The following RAD51B variants were observed in gnomAD, a reference collection of about 807,000 sequenced individuals.
RAD51B encodes DNA repair protein RAD51 homolog 2.
Under a neutral mutation model 42.2 loss-of-function variants are expected in RAD51B, and 38 were observed. The observed-to-expected ratio is 0.90, with a 90% confidence interval of 0.70 to 1.18. RAD51B has a LOEUF of 1.18. Among genes scored for constraint, RAD51B ranks in the 50% most tolerant of loss-of-function variants. RAD51B has a pLI of 0.00. For synonymous variants in RAD51B, 154 were observed against 145.2 expected, an observed-to-expected ratio of 1.06 and a Z score of -0.43; for missense variants, 373 against 400.7, an observed-to-expected ratio of 0.93 and a Z score of 0.59.
chr14:68,533,192 A>G (rs938386561), intron 10 of RAD51B, among the ~76,000 whole-genome samples: 1 of 152,216 alleles, frequency 6.6e-6, no homozygotes, highest in Non-Finnish European at 1.5e-5. Flanking sequence ...TATTATAAAT[A>G]ATAAGAGATT....
chr14:68,518,410 C>T (rs1315904790), intron 10 of RAD51B, among the ~76,000 whole-genome samples: 2 of 152,162 alleles, frequency 1.3e-5, no homozygotes, highest in African/African-American at 4.8e-5. Flanking sequence ...GCAGTTGTGT[C>T]CTGAGCCCTG....
chr14:68,367,777 T>C (rs1452030441), intron 8 of RAD51B, among the ~76,000 whole-genome samples: 1 of 152,176 alleles, frequency 6.6e-6, no homozygotes, highest in African/African-American at 2.4e-5. Context: ...AGGAGAAGGA[T>C]CAAGAAGCAG....
intron 11 of RAD51B, chr14:68,682,850 T>G: frequency 1.3e-6 from 1 of 790,908 alleles, no homozygotes; most frequent in East Asian, 1.0e-4. Flanking sequence ...CTGAAGGATT[T>G]ATTGCCTTTG....
intron 7 of RAD51B, among the ~76,000 whole-genome samples, chr14:67,897,338 CA>C (rs1460811317): frequency 6.6e-6 from 1 of 152,000 alleles, no homozygotes; most frequent in Non-Finnish European, 1.5e-5. Flanking sequence ...TTGGAAACCA[CA>C]AATCTGATGA....
intron 10 of RAD51B, among the ~76,000 whole-genome samples, chr14:68,569,391 C>G (rs547311190): frequency 3.9e-5 from 6 of 152,198 alleles, no homozygotes; most frequent in Non-Finnish European, 7.4e-5. Context: ...GCCAACTCAC[C>G]ACGCCTTGAA....
chr14:68,537,489 A>G (rs1887705432), intron 10 of RAD51B, among the ~76,000 whole-genome samples: 1 of 95,558 alleles, frequency 1.0e-5, no homozygotes, highest in Non-Finnish European at 2.3e-5. Flanking sequence ...ACAGAGCAAG[A>G]TTTCGTCTCA....
chr14:67,935,749 A>G (rs760311080), intron 7 of RAD51B, among the ~76,000 whole-genome samples: 2 of 152,096 alleles, frequency 1.3e-5, no homozygotes, highest in Non-Finnish European at 2.9e-5. Flanking sequence ...TCTTTTTTCT[A>G]AAATAATAGG....
chr14:68,248,543 T>A (rs1013472270), intron 7 of RAD51B, among the ~76,000 whole-genome samples: 2 of 152,214 alleles, frequency 1.3e-5, no homozygotes, highest in African/African-American at 4.8e-5. Flanking sequence ...CCTTTTTTTT[T>A]TAATTTATTT....
intron 7 of RAD51B, among the ~76,000 whole-genome samples, chr14:68,083,391 A>T (rs1163679358): frequency 6.6e-6 from 1 of 152,212 alleles, no homozygotes; most frequent in Non-Finnish European, 1.5e-5. Context: ...CTTATGTCAG[A>T]TTACTCTAAA....
intron 10 of RAD51B, among the ~76,000 whole-genome samples, chr14:68,586,015 A>T (rs778292686): frequency 1.3e-5 from 2 of 152,140 alleles, no homozygotes; most frequent in Non-Finnish European, 2.9e-5. Context: ...ACGGCACGTT[A>T]CGCTTTGCGT....
intron 9 of RAD51B, among the ~76,000 whole-genome samples, chr14:68,420,342 G>A (rs2084667140): frequency 6.6e-6 from 1 of 152,180 alleles, no homozygotes; most frequent in Non-Finnish European, 1.5e-5. Context: ...AGTTCATAAA[G>A]TGAAAGCAAG....
intron 7 of RAD51B, among the ~76,000 whole-genome samples, chr14:68,202,770 C>T (rs1036772897): frequency 2.0e-5 from 3 of 151,466 alleles, no homozygotes; most frequent in African/African-American, 4.9e-5. Flanking sequence ...TTAGTAGAGA[C>T]GGGGTTTCTC....
intron 9 of RAD51B, chr14:68,421,628 G>A (rs1031088867): frequency 5.7e-6 from 7 of 1,232,716 alleles, no homozygotes; most frequent in South Asian, 3.8e-5. Flanking sequence ...GCGAGCAAAC[G>A]GGGTGGAGGG....
intron 10 of RAD51B, among the ~76,000 whole-genome samples, chr14:68,523,688 A>G (rs1244943691): frequency 6.6e-6 from 1 of 152,170 alleles, no homozygotes. Flanking sequence ...AAGCATTTGT[A>G]GGAATGCCTC....
chr14:68,101,506 G>T (rs557651102), intron 7 of RAD51B, among the ~76,000 whole-genome samples: 8 of 152,134 alleles, frequency 5.3e-5, no homozygotes, highest in Non-Finnish European at 1.2e-4. Context: ...TAAAATAAAG[G>T]GGCTACAGGC....
At chr14:68,011,093 T>C (rs1013799463) in intron 7 of RAD51B, among the ~76,000 whole-genome samples, 116 of 152,104 alleles carry the variant, frequency 7.6e-4, no homozygotes, top group African/African-American at 2.7e-3. Flanking sequence ...AGGATGTTAA[T>C]TTTTAGTATG....
intron 7 of RAD51B, among the ~76,000 whole-genome samples, chr14:68,151,297 CAT>C (rs572752978): frequency 6.6e-6 from 1 of 151,548 alleles, no homozygotes; most frequent in African/African-American, 2.4e-5. Context: ...TGTTCCTCTG[CAT>C]ATATATATAA....
At chr14:67,973,185 A>G (rs1263739701) in intron 7 of RAD51B, among the ~76,000 whole-genome samples, 1 of 152,110 alleles carries the variant, frequency 6.6e-6, no homozygotes, top group Non-Finnish European at 1.5e-5. Flanking sequence ...TACTGACCCT[A>G]AGGATTTTGG....
intron 9 of RAD51B, among the ~76,000 whole-genome samples, chr14:68,450,928 G>T (rs1459155413): frequency 6.6e-6 from 1 of 152,096 alleles, no homozygotes; most frequent in Non-Finnish European, 1.5e-5. Context: ...GCATGACTGT[G>T]GGGGCTCAGT....
Sources: allele counts gnomAD v4.1 joint callset (sites outside exome capture counted in the v4.1 genomes callset), GRCh38; gene constraint gnomAD v4.1.1; transcripts MANE v1.5; gene names NCBI Gene and HGNC (gene_info 2026-07-23, HGNC 2026-07-21).